Variants in ENOX1 observed in about 807,000 individuals in gnomAD.
The protein encoded by ENOX1 is ecto-NOX disulfide-thiol exchanger 1.
A neutral mutation model predicts 82.5 loss-of-function variants in ENOX1; 42 were observed. The ratio of observed to expected loss-of-function variants is 0.51; its 90% confidence interval spans 0.40 to 0.66. The LOEUF is 0.66. ENOX1 is among the 30% of genes least tolerant of loss of function. The pLI, the probability that ENOX1 is intolerant of heterozygous loss-of-function variation, is 0.00. For synonymous variants in ENOX1, 271 were observed against 282.2 expected, an observed-to-expected ratio of 0.96 and a Z score of 0.40; for missense variants, 608 against 811.6, an observed-to-expected ratio of 0.75 and a Z score of 3.05.
At chr13:43,507,042 C>T (rs148530111) in intron 2 of ENOX1, among the ~76,000 whole-genome samples, 3,122 of 151,596 alleles carry the variant, frequency 0.021, 51 homozygotes, top group Non-Finnish European at 0.032. Flanking sequence ...TTTTAAAACT[C>T]TAAAAACATA....
intron 1 of ENOX1, among the ~76,000 whole-genome samples, chr13:43,755,702 A>C (rs1950609769): frequency 6.6e-6 from 1 of 152,218 alleles, no homozygotes; most frequent in African/African-American, 2.4e-5. Context: ...TCCTCTGTTA[A>C]AACATTTTCA....
At chr13:43,567,863 C>T (rs188339555) in intron 2 of ENOX1, among the ~76,000 whole-genome samples, 249 of 152,346 alleles carry the variant, frequency 1.6e-3, no homozygotes, top group Non-Finnish European at 3.1e-3. Flanking sequence ...GAATTGCATA[C>T]ATGCCTTTTC....
At chr13:43,763,850 C>A (rs893918812) in intron 1 of ENOX1, among the ~76,000 whole-genome samples, 2 of 152,080 alleles carry the variant, frequency 1.3e-5, no homozygotes, top group African/African-American at 4.8e-5. Flanking sequence ...ACTTTTAGAT[C>A]AATAATGCCT....
chr13:43,259,231 T>G (rs746489502), intron 14 of ENOX1, among the ~76,000 whole-genome samples: 2 of 152,196 alleles, frequency 1.3e-5, no homozygotes, highest in Non-Finnish European at 2.9e-5. Context: ...GGCTGCTTCA[T>G]GTCCAGATCT....
At chr13:43,379,849 G>A (rs1432514705) in intron 5 of ENOX1, among the ~76,000 whole-genome samples, 1 of 151,794 alleles carries the variant, frequency 6.6e-6, no homozygotes, top group South Asian at 2.1e-4. Flanking sequence ...AAAAGTATAT[G>A]AGGGAACATC....
rs144844403 is a variant in ENOX1, at chr13:43,762,486, C to T, written c.-285+24166G>A. 7.5e-3 allele frequency among the ~76,000 whole-genome samples: 1,139 copies of T among 152,298 alleles called. 14 individuals carry two copies. The highest frequency in any genetic ancestry group is 0.026 in the African/African-American group (1,086 of 41,564). The stretch of plus-strand genomic sequence containing the variant: ...GATAAAATTTGAATTTAACTCCCTA[C>T]GATTGTCCCTCTATGTCTTTTAAGT... On this transcript the variant is annotated intron_variant, in intron 1 of 16. Coordinates refer to ENST00000690772, the MANE Select transcript of ENOX1 (RefSeq NM_001347969.2).
intron 16 of ENOX1, among the ~76,000 whole-genome samples, chr13:43,218,946 A>G (rs1233936198): frequency 2.0e-5 from 3 of 152,148 alleles, no homozygotes; most frequent in Non-Finnish European, 4.4e-5. Flanking sequence ...TCATCTTGCC[A>G]TCACAATATC....
chr13:43,423,308 T>C (rs143609313), intron 3 of ENOX1, among the ~76,000 whole-genome samples: 3 of 152,274 alleles, frequency 2.0e-5, no homozygotes, highest in African/African-American at 7.2e-5. Flanking sequence ...TGATCACCGC[T>C]AGACTTTGCT....
chr13:43,348,301 A>G (rs2049531724), intron 8 of ENOX1, among the ~76,000 whole-genome samples: 1 of 152,236 alleles, frequency 6.6e-6, no homozygotes, highest in Admixed American at 6.5e-5. Flanking sequence ...TTGTTGGTTT[A>G]CAGATCTGTC....
intron 1 of ENOX1, among the ~76,000 whole-genome samples, chr13:43,681,599 T>G (rs1158996422): frequency 1.3e-5 from 2 of 149,362 alleles, no homozygotes; most frequent in Non-Finnish European, 2.9e-5. Flanking sequence ...ATTAGATTTC[T>G]CTATGTTTGG....
At chr13:43,237,608 G>C (rs1207930967) in intron 14 of ENOX1, among the ~76,000 whole-genome samples, 1 of 152,208 alleles carries the variant, frequency 6.6e-6, no homozygotes, top group Non-Finnish European at 1.5e-5. Context: ...TAGAGAACAG[G>C]TACGGAGAGC....
intron 1 of ENOX1, among the ~76,000 whole-genome samples, chr13:43,697,136 A>G (rs1455938784): frequency 6.6e-6 from 1 of 152,246 alleles, no homozygotes; most frequent in Non-Finnish European, 1.5e-5. Context: ...TCAAATCTGA[A>G]GGAAGAACTA....
At chr13:43,354,546 AT>A (rs950143061) in intron 8 of ENOX1, among the ~76,000 whole-genome samples, 4 of 149,442 alleles carry the variant, frequency 2.7e-5, no homozygotes, top group South Asian at 2.1e-4. Flanking sequence ...CTTTTCATAC[AT>A]TTTTTTTAGT....
At chr13:43,219,638 G>A (rs2041679544) in intron 16 of ENOX1, among the ~76,000 whole-genome samples, 1 of 152,214 alleles carries the variant, frequency 6.6e-6, no homozygotes, top group Non-Finnish European at 1.5e-5. Context: ...TGTAACTAAG[G>A]AGCTTGTGTG....
intron 2 of ENOX1, among the ~76,000 whole-genome samples, chr13:43,657,870 A>C (rs944580969): frequency 6.6e-6 from 1 of 152,224 alleles, no homozygotes; most frequent in South Asian, 2.1e-4. Context: ...TTGATAGGAA[A>C]AAAATTAGTT....
Position 43,444,799 on chromosome 13 carries a change from A to G in ENOX1, c.-74-31811T>C, listed in dbSNP as rs554627245. On this transcript the variant is annotated intron_variant, in intron 3 of 16. Coordinates refer to ENST00000690772, the MANE Select transcript of ENOX1 (RefSeq NM_001347969.2). ...TAGGAGGGATGTATTCAGGAGGACA[A>G]GCCTTGGGGATTTCACTCTTTTATT... Among the ~76,000 whole-genome samples, 59 of 152,304 alleles carry G rather than the reference A, an allele frequency of 3.9e-4. 1 individual carries two copies. The highest frequency in any genetic ancestry group is 1.3e-3 in the African/African-American group (56 of 41,576).
intron 16 of ENOX1, among the ~76,000 whole-genome samples, chr13:43,222,380 T>TACACACACACAC (rs35476412): frequency 0.014 from 2,046 of 149,180 alleles, 60 homozygotes; most frequent in African/African-American, 0.048. Flanking sequence ...GAGATGATTT[T>TACACACACACAC]ACACACACAC....
At chr13:43,497,580 A>C (rs2076837156) in intron 2 of ENOX1, among the ~76,000 whole-genome samples, 1 of 152,082 alleles carries the variant, frequency 6.6e-6, no homozygotes, top group Non-Finnish European at 1.5e-5. Context: ...TTTTGTCAGG[A>C]TATATTACTG....
chr13:43,718,250 A>C (rs1260292107), intron 1 of ENOX1, among the ~76,000 whole-genome samples: 1 of 152,202 alleles, frequency 6.6e-6, no homozygotes, highest in Non-Finnish European at 1.5e-5. Context: ...TGAGCTGAAG[A>C]TCATTATCCT....
Sources: gnomAD v4.1 joint callset for allele counts (sites outside exome capture counted in the v4.1 genomes callset) on GRCh38, gnomAD v4.1.1 for gene constraint, MANE v1.5 for transcripts, NCBI Gene and HGNC (gene_info 2026-07-23, HGNC 2026-07-21) for gene names.